Variants in MRAP2 observed in about 807,000 individuals in gnomAD.
MRAP2 encodes the protein melanocortin-2 receptor accessory protein 2.
MRAP2 carries 20 observed loss-of-function variants against 17.4 expected under a neutral mutation model. The ratio of observed to expected loss-of-function variants is 1.15; its 90% CI spans 0.81 to 1.67. The LOEUF (loss-of-function observed/expected upper bound fraction) is 1.67, where lower values mean the gene tolerates loss of function less well. MRAP2 is among the 40% of genes most tolerant of loss of function. The pLI is 0.00. For missense variants in MRAP2, 238 were observed against 240.0 expected, an observed-to-expected ratio of 0.99 and a Z score of 0.05; for synonymous variants, 96 against 88.4, an observed-to-expected ratio of 1.09 and a Z score of -0.48.
intron 3 of MRAP2, among the ~76,000 whole-genome samples, chr6:84,067,256 C>T (rs1404398196): frequency 1.3e-5 from 2 of 152,146 alleles, no homozygotes; most frequent in Non-Finnish European, 2.9e-5. Context: ...CCATATATAT[C>T]ACAGTTTCTT....
intron 1 of MRAP2, among the ~76,000 whole-genome samples, chr6:84,049,442 A>C (rs537192782): frequency 6.6e-6 from 1 of 152,232 alleles, no homozygotes; most frequent in African/African-American, 2.4e-5. Flanking sequence ...AAACACACAA[A>C]AAACAAACAA....
rs544792281 is a variant in MRAP2 at position 84,086,104 on chromosome 6, T to C, written c.228-2987T>C. The stretch of plus-strand genomic sequence containing the variant: ...TTATGTCAACCTAAATAACAAATAC[T>C]GAGAGGTTCTCTAAAAGAAAATGAT... On this transcript the variant is annotated intron_variant, in intron 3 of 3. Coordinates refer to ENST00000257776, the MANE Select transcript of MRAP2 (RefSeq NM_138409.4). 1.4e-4 allele frequency among the ~76,000 whole-genome samples: 21 copies of C among 152,302 alleles called. No individual in the cohort carries two copies. The South Asian group carries it at 4.1e-3, about 30-fold the overall frequency.
chr6:84,088,608 G>A (rs1233469689), intron 3 of MRAP2, among the ~76,000 whole-genome samples: 1 of 152,132 alleles, frequency 6.6e-6, no homozygotes, highest in Non-Finnish European at 1.5e-5. Flanking sequence ...AATATTTAAT[G>A]TACCCCTATG....
the MRAP2 span, among the ~76,000 whole-genome samples, chr6:84,122,078 C>T: frequency 2.0e-5 from 3 of 151,976 alleles, no homozygotes; most frequent in African/African-American, 7.2e-5. Flanking sequence ...AATAAAACAT[C>T]TTCCAAAACA....
chr6:84,081,926 A>G (rs1420186405), intron 3 of MRAP2, among the ~76,000 whole-genome samples: 1 of 152,158 alleles, frequency 6.6e-6, no homozygotes, highest in South Asian at 2.1e-4. Context: ...CTTCCACTAA[A>G]ATTGTAAGTT....
chr6:84,061,675 T>G (rs1283906397), intron 2 of MRAP2: 2 of 613,512 alleles, frequency 3.3e-6, no homozygotes, highest in Non-Finnish European at 4.1e-6. Context: ...CCTGGTAAGG[T>G]GTGGCTGTGA....
In MRAP2 at chr6:84,064,644, C is replaced by T. The variant is rs569060627; in HGVS notation, c.227+1652C>T. ...CTGGGACTACAGGCACCCACCACCA[C>T]GCCCAGCTACTTTTTTGTATTTTTA... On this transcript the variant is annotated intron_variant, in intron 3 of 3. Transcript: ENST00000257776. Among the ~76,000 whole-genome samples, 19 of 152,292 alleles carry T rather than the reference C, an allele frequency of 1.2e-4. No individual in the cohort carries two copies. The South Asian group carries it at 1.9e-3, about 15-fold the overall frequency.
At chr6:84,034,030 G>A (rs1675025374) in intron 1 of MRAP2, 147 bp downstream of exon 1, 2 of 588,516 alleles carry the variant, frequency 3.4e-6, no homozygotes, top group South Asian at 7.4e-5. Flanking sequence ...GTGGGAGGAG[G>A]AGAATTGGGG....
chr6:84,110,029 C>T, the MRAP2 span, among the ~76,000 whole-genome samples: 1 of 152,118 alleles, frequency 6.6e-6, no homozygotes, highest in Non-Finnish European at 1.5e-5. Flanking sequence ...GGTTCCAAGT[C>T]TTTGCTATTG....
the MRAP2 span, among the ~76,000 whole-genome samples, chr6:84,126,012 A>G: frequency 3.8e-3 from 576 of 152,286 alleles, 1 homozygote; most frequent in African/African-American, 0.013. Context: ...TGCTAGCTAT[A>G]TATTTTAAAT....
intron 3 of MRAP2, among the ~76,000 whole-genome samples, chr6:84,081,009 A>G (rs542071817): frequency 7.2e-5 from 11 of 152,342 alleles, no homozygotes; most frequent in African/African-American, 2.2e-4. Flanking sequence ...AATAGATAAT[A>G]TAGAGCAATT....
rs2099501643 is a variant in MRAP2 at position 84,090,816 on chromosome 6, A to G, written c.*1335A>G. 6.6e-6 allele frequency: 1 copy of G among 152,184 alleles called. No homozygotes were observed. The highest frequency in any genetic ancestry group is 1.5e-5 in the Non-Finnish European group (1 of 68,030). The allele number at this position is 152,184 out of a possible 1,614,324, so 9.4% of individuals were successfully genotyped here. ...GGCAAGCTGTTAACCTCTGGGTGGC[A>G]TTTTCATTATGAATTTGTTCACCAC... On this transcript the variant is annotated 3_prime_UTR_variant, in exon 4 of 4. Transcript: ENST00000257776.
intron 1 of MRAP2, among the ~76,000 whole-genome samples, chr6:84,055,042 G>C (rs2099491348): frequency 6.6e-6 from 1 of 152,040 alleles, no homozygotes; most frequent in Admixed American, 6.5e-5. Context: ...CTGAACATTT[G>C]TTATGTGCCA....
intron 1 of MRAP2, among the ~76,000 whole-genome samples, chr6:84,046,529 C>G (rs1282887958): frequency 6.6e-6 from 1 of 151,856 alleles, no homozygotes; most frequent in Non-Finnish European, 1.5e-5. Flanking sequence ...TGTCTGTAAT[C>G]CCAGCACTTT....
chr6:84,072,723 C>T (rs1035936094), intron 3 of MRAP2, among the ~76,000 whole-genome samples: 3 of 152,096 alleles, frequency 2.0e-5, no homozygotes, highest in Non-Finnish European at 4.4e-5. Context: ...TGTCTGAGCT[C>T]AGTCTCTCCT....
At chr6:84,145,170 C>A in the MRAP2 span, among the ~76,000 whole-genome samples, 1 of 152,118 alleles carries the variant, frequency 6.6e-6, no homozygotes, top group African/African-American at 2.4e-5. Flanking sequence ...TAAGAAATGT[C>A]ACTTCCTGGC....
the MRAP2 span, among the ~76,000 whole-genome samples, chr6:84,131,474 G>T: frequency 6.6e-6 from 1 of 152,034 alleles, no homozygotes; most frequent in Non-Finnish European, 1.5e-5. Context: ...TTATTGTGTG[G>T]GAGTCTAGGT....
intron 3 of MRAP2, among the ~76,000 whole-genome samples, chr6:84,084,827 A>T (rs1344105303): frequency 6.6e-6 from 1 of 151,622 alleles, no homozygotes; most frequent in Non-Finnish European, 1.5e-5. Context: ...AAGACCAGGC[A>T]TGCCTTGGTA....
At chr6:84,112,126 T>C in the MRAP2 span, among the ~76,000 whole-genome samples, 1 of 152,208 alleles carries the variant, frequency 6.6e-6, no homozygotes, top group African/African-American at 2.4e-5. Flanking sequence ...CTCAAATGAG[T>C]TAGGGAGGAG....
Sources: allele counts gnomAD v4.1 joint callset (sites outside exome capture counted in the v4.1 genomes callset), GRCh38; gene constraint gnomAD v4.1.1; transcripts MANE v1.5; gene names NCBI Gene and HGNC (gene_info 2026-07-23, HGNC 2026-07-21).